Variants in UNC80 observed in about 807,000 individuals in gnomAD.
UNC80 encodes the protein protein unc-80 homolog.
A neutral mutation model predicts 384.6 loss-of-function variants in UNC80; 164 were observed. The observed-to-expected ratio is 0.43, with a 90% confidence interval of 0.38 to 0.49. The LOEUF is 0.49. Among genes scored for constraint, UNC80 ranks in the 20% least tolerant of loss-of-function variants. The pLI is 0.00. For synonymous variants in UNC80, 1,486 were observed against 1,527.8 expected, an observed-to-expected ratio of 0.97 and a Z score of 0.64; for missense variants, 3,330 against 4,143.0, an observed-to-expected ratio of 0.80 and a Z score of 5.39.
At chr2:209,967,795 C>T in intron 52 of UNC80, 158 bp downstream of exon 52, 1 of 611,856 alleles carries the variant, frequency 1.6e-6, no homozygotes, top group Non-Finnish European at 2.8e-6. Context: ...GCCTAAGTAG[C>T]AAAGCCTACA....
At chr2:209,799,797 C>G (rs2078423119) in intron 7 of UNC80, among the ~76,000 whole-genome samples, 1 of 152,182 alleles carries the variant, frequency 6.6e-6, no homozygotes, top group Non-Finnish European at 1.5e-5. Flanking sequence ...TGGGTTTTAT[C>G]AAAGGTCTTT....
intron 25 of UNC80, among the ~76,000 whole-genome samples, chr2:209,886,274 G>A (rs1382571841): frequency 1.3e-5 from 2 of 151,550 alleles, no homozygotes; most frequent in African/African-American, 4.8e-5. Context: ...TGCTTTATAA[G>A]TTAATAATTA....
Position 209,829,299 on chromosome 2 carries a change from A to T in UNC80, c.2546A>T (p.Tyr849Phe), listed in dbSNP as rs1400213174. The T allele has an allele frequency of 1.3e-6, 2 of 1,551,444 alleles. No individual in the cohort carries two copies. Among genetic ancestry groups the T allele is most frequent in the Admixed American group, 3.9e-5 (2 of 50,986 alleles). Residue 849 changes from tyrosine (Y) to phenylalanine (F), a missense_variant, in exon 15 of 65, where the codon TAT becomes TTT. By Grantham distance (22) the Tyr-to-Phe change is conservative. This residue lies in a region of UNC80 where 937 missense variants were observed against 1,026.8 expected (regional missense o/e 0.91). Coordinates refer to ENST00000673920, the MANE Select transcript of UNC80 (RefSeq NM_001371986.1). ...KMQFRQTMRD[Y>F]VNKDSLNNVV... is the part of the protein sequence containing the mutation. Reference sequence around the variant, plus strand: ...CAGTTCCGACAAACCATGAGGGACTATGTGAACAAGGACTCTCTCAATAAT... The same window carrying T: ...CAGTTCCGACAAACCATGAGGGACTTTGTGAACAAGGACTCTCTCAATAAT...
In UNC80 at chr2:209,995,711, T is replaced by C. The variant is rs914955928; in HGVS notation, c.*116T>C. The C allele has an allele frequency of 1.0e-5, 13 of 1,240,628 alleles. No homozygotes were observed. The African/African-American group carries it at 2.0e-4, about 19-fold the overall frequency. 76.9% of individuals were successfully genotyped at this position (1,240,628 alleles called of 1,614,324 possible). On this transcript the variant is annotated 3_prime_UTR_variant, in exon 65 of 65. Transcript: ENST00000673920. ...TTACAAAATAGCACTTTACTTCTAA[T>C]GGGTGGCACAAATCTGAATAGGTTT...
At chr2:209,909,251 T>C (rs2088626104) in intron 29 of UNC80, among the ~76,000 whole-genome samples, 1 of 152,204 alleles carries the variant, frequency 6.6e-6, no homozygotes, top group African/African-American at 2.4e-5. Flanking sequence ...TTAAAACCAT[T>C]ATTATTCCTC....
intron 56 of UNC80, among the ~76,000 whole-genome samples, chr2:209,975,829 T>C (rs1214466518): frequency 6.6e-6 from 1 of 152,198 alleles, no homozygotes; most frequent in Non-Finnish European, 1.5e-5. Flanking sequence ...CATTTTCCTT[T>C]CAATTCAGTG....
intron 7 of UNC80, chr2:209,794,975 A>G: frequency 3.0e-6 from 1 of 331,850 alleles, no homozygotes; most frequent in Non-Finnish European, 5.9e-6. Flanking sequence ...AAAAGTGTGG[A>G]AGCAACTTTG....
chr2:209,795,924 C>G (rs992517766), intron 7 of UNC80: 3 of 152,274 alleles, frequency 2.0e-5, no homozygotes, highest in Non-Finnish European at 2.9e-5. Flanking sequence ...AGGCCCCACA[C>G]AGAGTCCCTA....
intron 6 of UNC80, among the ~76,000 whole-genome samples, chr2:209,793,113 G>A (rs1051239508): frequency 3.3e-5 from 5 of 152,156 alleles, no homozygotes; most frequent in Non-Finnish European, 5.9e-5. Flanking sequence ...CACCTATAAT[G>A]CCTATGGAAA....
In UNC80 at chr2:209,997,439, C is replaced by A. The variant is rs1214033136; in HGVS notation, c.*1844C>A. ...TGTTTGGTAATTACAAGTGTCTGGG[C>A]TATTGGCGCGTCTCTATATATGTGT... is the stretch of plus-strand genomic sequence containing the variant. On this transcript the variant is annotated 3_prime_UTR_variant, in exon 65 of 65. Transcript: ENST00000673920. 1 of 152,120 alleles carries A rather than the reference C, an allele frequency of 6.6e-6. No homozygotes were observed. The allele number at this position is 152,120 out of a possible 1,614,324, so 9.4% of individuals were successfully genotyped here. A position where few individuals can be genotyped will look rare whatever the true frequency, so the allele number is the denominator to read the frequency against.
intron 58 of UNC80, among the ~76,000 whole-genome samples, chr2:209,977,696 C>G (rs554348822): frequency 6.6e-6 from 1 of 152,272 alleles, no homozygotes; most frequent in South Asian, 2.1e-4. Context: ...GAAGGATTCC[C>G]TTAGAGCTGG....
Position 209,839,465 on chromosome 2 carries a change from T to C in UNC80, c.3250+35T>C, listed in dbSNP as rs542804467. The stretch of plus-strand genomic sequence containing the variant: ...TGTCTGTATTTGTTTATGGATTATC[T>C]TATTACCAACCATGTCCTCAGATCA... On this transcript the variant is annotated intron_variant, in intron 19 of 64. Transcript: ENST00000673920. The surrounding 1 kb of genome is among the most constrained non-coding windows in gnomAD (Gnocchi z 4.1). 13 of 1,549,710 alleles carry C rather than the reference T, an allele frequency of 8.4e-6. No individual in the cohort carries two copies. In the African/African-American group the frequency reaches 1.6e-4, roughly 20 times the overall value.
Position 209,969,810 on chromosome 2 carries a change from G to C in UNC80, c.8049G>C (p.Gly2683=). ...AGCCTGCCAGCAATTTGATTGAAGG[G>C]GTTTGTTTGACACTTCAGAGGCAGC... The part of the protein sequence containing the change: ...EWEPASNLIE[G]VCLTLQRQPI... Residue 2683 remains glycine, a synonymous_variant, in exon 53 of 65, where the codon GGG becomes GGC. Transcript: ENST00000673920. 4.5e-6 allele frequency: 7 copies of C among 1,551,630 alleles called. No homozygotes were observed. The highest frequency in any genetic ancestry group is 6.1e-6 in the Non-Finnish European group (7 of 1,146,984).
At chr2:209,807,027 A>G (rs1220260453) in intron 7 of UNC80, among the ~76,000 whole-genome samples, 1 of 152,200 alleles carries the variant, frequency 6.6e-6, no homozygotes, top group Non-Finnish European at 1.5e-5. Flanking sequence ...AATTCTTGCC[A>G]GTTTTGAAAT....
chr2:209,975,582 G>A (rs2092992166), intron 56 of UNC80, among the ~76,000 whole-genome samples: 1 of 152,160 alleles, frequency 6.6e-6, no homozygotes, highest in Admixed American at 6.5e-5. Context: ...TGTGGGGTCA[G>A]GAAGGGAACT....
At chr2:209,920,977 G>A (rs1575020914) in intron 33 of UNC80, among the ~76,000 whole-genome samples, 1 of 151,960 alleles carries the variant, frequency 6.6e-6, no homozygotes. Context: ...ACAGGCTTGC[G>A]CCACCACGCC....
chr2:209,964,746 C>CT (rs1427218893), intron 51 of UNC80, among the ~76,000 whole-genome samples: 1 of 147,306 alleles, frequency 6.8e-6, no homozygotes, highest in Admixed American at 6.8e-5. Context: ...GAGATCGCAC[C>CT]ACTGCACTCC....
chr2:209,897,281 C>G (rs1348373817), intron 28 of UNC80, among the ~76,000 whole-genome samples: 1 of 152,132 alleles, frequency 6.6e-6, no homozygotes, highest in African/African-American at 2.4e-5. Context: ...TAACCACTGC[C>G]AGGTTGAGAA....
At chr2:209,987,880 A>T (rs551203799) in intron 61 of UNC80, among the ~76,000 whole-genome samples, 1 of 152,334 alleles carries the variant, frequency 6.6e-6, no homozygotes, top group Non-Finnish European at 1.5e-5. Context: ...AAAATAAAAA[A>T]AAATAAAAAA....
Sources: gnomAD v4.1 joint callset for allele counts (sites outside exome capture counted in the v4.1 genomes callset) on GRCh38, gnomAD v4.1.1 for gene constraint, gnomAD v4.1.1 regional missense constraint, Gnocchi (gnomAD v3.1) non-coding constraint, MANE v1.5 for transcripts, NCBI Gene and HGNC (gene_info 2026-07-23, HGNC 2026-07-21) for gene names.